Variants in MSI2 observed in about 807,000 individuals in gnomAD.
MSI2 encodes the protein musashi RNA binding protein 2.
Under a neutral mutation model 45.6 loss-of-function variants are expected in MSI2, and 17 were observed. The observed-to-expected ratio is 0.37, with a 90% CI of 0.26 to 0.56. The LOEUF is 0.56. Ranked by LOEUF, MSI2 falls within the 20% of genes least tolerant of loss-of-function variation. The pLI is 0.77. For synonymous variants in MSI2, 156 were observed against 158.2 expected, an observed-to-expected ratio of 0.99 and a Z score of 0.11; for missense variants, 293 against 444.2, an observed-to-expected ratio of 0.66 and a Z score of 3.06.
intron 11 of MSI2, among the ~76,000 whole-genome samples, chr17:57,659,042 A>G (rs1911800267): frequency 6.7e-6 from 1 of 150,258 alleles, no homozygotes; most frequent in African/African-American, 2.4e-5. Context: ...TGTTTTGCAG[A>G]GGTTTTTTTT....
chr17:57,691,200 C>CTCATCTATCTATCT, the MSI2 span, among the ~76,000 whole-genome samples: 337 of 140,300 alleles, frequency 2.4e-3, 3 homozygotes, highest in Middle Eastern at 7.1e-3. Context: ...CTCTCTCTCT[C>CTCATCTATCTATCT]ATCTATCTAT....
At chr17:57,663,257 C>T (rs547244021) in intron 11 of MSI2, among the ~76,000 whole-genome samples, 1 of 152,322 alleles carries the variant, frequency 6.6e-6, no homozygotes, top group African/African-American at 2.4e-5. Context: ...ACCATGGCAA[C>T]CGCGAGCAGG....
intron 11 of MSI2, among the ~76,000 whole-genome samples, chr17:57,655,984 T>C (rs912561749): frequency 6.6e-6 from 1 of 152,196 alleles, no homozygotes; most frequent in Non-Finnish European, 1.5e-5. Flanking sequence ...ATTGTATGTA[T>C]CTGTGGGACT....
chr17:57,382,615 A>G (rs2083616437), intron 5 of MSI2, among the ~76,000 whole-genome samples: 1 of 152,198 alleles, frequency 6.6e-6, no homozygotes, highest in Non-Finnish European at 1.5e-5. Context: ...CTGATAACAA[A>G]GGGCTAGAAA....
At chr17:57,328,051 TC>T (rs1008068473) in intron 5 of MSI2, among the ~76,000 whole-genome samples, 13 of 152,210 alleles carry the variant, frequency 8.5e-5, no homozygotes, top group African/African-American at 2.9e-4. Context: ...CAGATTTCTT[TC>T]TTTTTATTAA....
chr17:57,256,861 C>G, intron 1 of MSI2, 57 bp downstream of exon 1: 1 of 1,325,964 alleles, frequency 7.5e-7, no homozygotes, highest in Non-Finnish European at 1.0e-6. Context: ...CTTGCAGCGG[C>G]GGGGACGGCG....
chr17:57,606,096 C>CA (rs1466919367), intron 8 of MSI2, among the ~76,000 whole-genome samples: 1 of 152,248 alleles, frequency 6.6e-6, no homozygotes, highest in African/African-American at 2.4e-5. Flanking sequence ...ACCTGGCCGA[C>CA]AGGTGCAGGG....
At chr17:57,387,994 C>T (rs2083714834) in intron 5 of MSI2, among the ~76,000 whole-genome samples, 1 of 152,226 alleles carries the variant, frequency 6.6e-6, no homozygotes, top group Non-Finnish European at 1.5e-5. Flanking sequence ...AAATGCATTA[C>T]AGGATCGGGT....
chr17:57,382,773 T>C (rs1036122957), intron 5 of MSI2, among the ~76,000 whole-genome samples: 32 of 152,346 alleles, frequency 2.1e-4, no homozygotes, highest in Admixed American at 6.5e-4. Flanking sequence ...AGAAATTGTG[T>C]TTATTAAAGG....
At chr17:57,444,642 CAT>C (rs2050560410) in intron 6 of MSI2, 1 of 151,994 alleles carries the variant, frequency 6.6e-6, no homozygotes, top group South Asian at 2.1e-4. Flanking sequence ...ACTGTGGGCC[CAT>C]GAGATGACAC....
chr17:57,366,363 C>G (rs1917192862), intron 5 of MSI2, among the ~76,000 whole-genome samples: 1 of 152,220 alleles, frequency 6.6e-6, no homozygotes, highest in Non-Finnish European at 1.5e-5. Flanking sequence ...CACGCCTCTT[C>G]CCTCCCCTGA....
intron 6 of MSI2, among the ~76,000 whole-genome samples, chr17:57,455,362 G>A (rs2085092935): frequency 1.3e-5 from 2 of 152,114 alleles, no homozygotes. Flanking sequence ...CTTGAAATGG[G>A]GGGTTTGAAG....
intron 11 of MSI2, among the ~76,000 whole-genome samples, chr17:57,665,933 A>G (rs1258550349): frequency 6.6e-6 from 1 of 152,156 alleles, no homozygotes; most frequent in Non-Finnish European, 1.5e-5. Flanking sequence ...AGGGTGGCCT[A>G]GTCCTCAGGA....
intron 6 of MSI2, among the ~76,000 whole-genome samples, chr17:57,452,133 C>T (rs2085031092): frequency 1.3e-5 from 2 of 152,232 alleles, no homozygotes; most frequent in South Asian, 2.1e-4. Flanking sequence ...AGTGAGAAGA[C>T]ATGGTAAGGG....
At chr17:57,337,058 G>A (rs1056819537) in intron 5 of MSI2, among the ~76,000 whole-genome samples, 1 of 152,190 alleles carries the variant, frequency 6.6e-6, no homozygotes, top group Non-Finnish European at 1.5e-5. Flanking sequence ...GGCTACCTGT[G>A]TCTGCACAGT....
At chr17:57,581,876 C>T (rs566391223) in intron 7 of MSI2, among the ~76,000 whole-genome samples, 2 of 152,304 alleles carry the variant, frequency 1.3e-5, no homozygotes, top group Admixed American at 1.3e-4. Flanking sequence ...GGTTTGTATT[C>T]AGAATGCTAA....
At chr17:57,515,002 G>A (rs964892460) in intron 6 of MSI2, among the ~76,000 whole-genome samples, 8 of 152,082 alleles carry the variant, frequency 5.3e-5, no homozygotes, top group African/African-American at 1.2e-4. Context: ...GCCACTTCAC[G>A]CTGCCAAAAA....
At chr17:57,685,524 G>A (rs1014689685), downstream of MSI2, 9 of 152,156 alleles carry the variant, frequency 5.9e-5, no homozygotes, top group African/African-American at 2.2e-4. Context: ...TATCTTTTTT[G>A]TAAAATGGGT....
intron 10 of MSI2, among the ~76,000 whole-genome samples, chr17:57,636,285 GC>G (rs1267432001): frequency 6.6e-6 from 1 of 152,182 alleles, no homozygotes; most frequent in African/African-American, 2.4e-5. Flanking sequence ...GCAAGGGGCT[GC>G]ATCCTGAACC....
Sources: gnomAD v4.1 joint callset for allele counts (sites outside exome capture counted in the v4.1 genomes callset) on GRCh38, gnomAD v4.1.1 for gene constraint, MANE v1.5 for transcripts, NCBI Gene and HGNC (gene_info 2026-07-23, HGNC 2026-07-21) for gene names.